Variants in FHIT observed in about 807,000 individuals in gnomAD.
FHIT encodes bis(5'-adenosyl)-triphosphatase.
A neutral mutation model predicts 17.9 loss-of-function variants in FHIT; 19 were observed. The ratio of observed to expected loss-of-function variants is 1.06; its 90% CI spans 0.74 to 1.56. The LOEUF (loss-of-function observed/expected upper bound fraction) is 1.56. Among genes scored for constraint, FHIT ranks in the 40% most tolerant of loss-of-function variants. The pLI is 0.00. For missense variants in FHIT, 248 were observed against 189.2 expected (o/e 1.31, Z -1.82); for synonymous variants, 81 against 69.7 (o/e 1.16, Z -0.81).
At chr3:60,130,852 TGTATACATGTATATAGACAC>T (rs1699531302) in intron 5 of FHIT, among the ~76,000 whole-genome samples, 1 of 149,792 alleles carries the variant, frequency 6.7e-6, no homozygotes, top group Non-Finnish European at 1.5e-5. Context: ...CACATACATG[TGTATACATGTATATAGACAC>T]GTATACATGT....
chr3:60,151,710 C>A (rs1280131276), intron 5 of FHIT, among the ~76,000 whole-genome samples: 4 of 152,274 alleles, frequency 2.6e-5, no homozygotes, highest in African/African-American at 9.6e-5. Flanking sequence ...GGGCTTTAAA[C>A]CTTCCTACCT....
intron 8 of FHIT, among the ~76,000 whole-genome samples, chr3:59,900,143 T>C (rs912743116): frequency 6.6e-6 from 1 of 152,110 alleles, no homozygotes; most frequent in African/African-American, 2.4e-5. Flanking sequence ...GCCTGTTGGA[T>C]TCCCCACTCT....
At chr3:61,062,709 A>T (rs1356178024) in intron 2 of FHIT, among the ~76,000 whole-genome samples, 6 of 152,152 alleles carry the variant, frequency 3.9e-5, no homozygotes, top group Non-Finnish European at 8.8e-5. Context: ...TGAGTGCAGA[A>T]CTGAATTTCT....
chr3:61,229,519 T>G (rs1017930343), intron 1 of FHIT, among the ~76,000 whole-genome samples: 6 of 152,138 alleles, frequency 3.9e-5, no homozygotes, highest in Admixed American at 1.3e-4. Context: ...CTAATATAAC[T>G]CCCAATTACT....
intron 4 of FHIT, among the ~76,000 whole-genome samples, chr3:60,673,112 G>A (rs576776163): frequency 1.0e-3 from 158 of 151,906 alleles, no homozygotes; most frequent in Middle Eastern, 3.4e-3. Context: ...AAGTTACCCC[G>A]TAAGAGCTTA....
chr3:60,389,189 T>G (rs1418264624), intron 5 of FHIT, among the ~76,000 whole-genome samples: 6 of 152,168 alleles, frequency 3.9e-5, no homozygotes, highest in Non-Finnish European at 7.3e-5. Context: ...ATGTGTATTC[T>G]CAGGCTTTAT....
intron 4 of FHIT, among the ~76,000 whole-genome samples, chr3:60,539,127 C>T (rs1460353224): frequency 1.2e-4 from 18 of 152,194 alleles, no homozygotes; most frequent in Admixed American, 3.3e-4. Flanking sequence ...AACAAGTGGG[C>T]GAAAGATATG....
chr3:59,918,984 C>T (rs1432141708), intron 8 of FHIT, among the ~76,000 whole-genome samples: 2 of 152,132 alleles, frequency 1.3e-5, no homozygotes, highest in Non-Finnish European at 2.9e-5. Flanking sequence ...GTGTGGTTTC[C>T]TCTAAGTTAA....
chr3:59,970,654 C>G (rs576062401), intron 7 of FHIT, among the ~76,000 whole-genome samples: 30 of 152,166 alleles, frequency 2.0e-4, no homozygotes, highest in African/African-American at 6.5e-4. Context: ...AATGAAACTA[C>G]ATTTCAAACG....
chr3:61,021,613 A>G (rs1443740444), intron 3 of FHIT, among the ~76,000 whole-genome samples: 1 of 150,544 alleles, frequency 6.6e-6, no homozygotes, highest in East Asian at 1.9e-4. Flanking sequence ...AAAAAAAAAA[A>G]AAAAAAAAGA....
intron 5 of FHIT, among the ~76,000 whole-genome samples, chr3:60,426,684 C>T (rs1179489772): frequency 6.6e-6 from 1 of 152,120 alleles, no homozygotes; most frequent in Admixed American, 6.6e-5. Context: ...AAATTATTCA[C>T]CGTTTGATCA....
chr3:60,277,176 T>C (rs1261022397), intron 5 of FHIT, among the ~76,000 whole-genome samples: 1 of 152,138 alleles, frequency 6.6e-6, no homozygotes, highest in African/African-American at 2.4e-5. Flanking sequence ...AATTTCTGGA[T>C]CTGGTTTTCT....
intron 5 of FHIT, among the ~76,000 whole-genome samples, chr3:60,241,560 G>C (rs1235445059): frequency 1.3e-5 from 2 of 151,894 alleles, no homozygotes; most frequent in African/African-American, 4.8e-5. Context: ...TTTTTGTAAG[G>C]GTTGAAAGAA....
chr3:60,967,190 G>A lies in FHIT; in HGVS notation c.-111+74857C>T, dbSNP rs76483143. On this transcript the variant is annotated intron_variant, in intron 3 of 9. Transcript: ENST00000492590. ...ATCAGCAGTAGTATATGTGCTCCCT[G>A]TTCCTGGCAGTGATTCACTGGATGA... Among the ~76,000 whole-genome samples the A allele has an allele frequency of 5.3e-4, 81 of 152,266 alleles. No homozygotes were observed. In the East Asian group the frequency reaches 0.015, roughly 29 times the overall value.
intron 1 of FHIT, among the ~76,000 whole-genome samples, chr3:61,243,134 G>C (rs2040411528): frequency 6.6e-6 from 1 of 152,184 alleles, no homozygotes; most frequent in African/African-American, 2.4e-5. Context: ...GAGGTTAGAG[G>C]CAAGTTAGAT....
At chr3:60,120,987 G>A (rs900239139) in intron 5 of FHIT, among the ~76,000 whole-genome samples, 1 of 152,062 alleles carries the variant, frequency 6.6e-6, no homozygotes, top group African/African-American at 2.4e-5. Context: ...AAAATCATAA[G>A]AGAGCCTTAA....
chr3:61,116,458 C>T (rs925850285), intron 2 of FHIT, among the ~76,000 whole-genome samples: 6 of 152,072 alleles, frequency 3.9e-5, no homozygotes. Context: ...TGAAATTAAT[C>T]AGAAATGGAC....
At position 60,036,575 on chromosome 3, in the gene FHIT, A is replaced by G. The variant is rs546156688; in HGVS notation, c.104-22423T>C. Among the ~76,000 whole-genome samples the G allele has an allele frequency of 9.8e-5, 15 of 152,328 alleles. 1 individual carries two copies. In the South Asian group the frequency reaches 2.5e-3, roughly 25 times the overall value. On this transcript the variant is annotated intron_variant, in intron 5 of 9. Coordinates refer to ENST00000492590, the MANE Select transcript of FHIT (RefSeq NM_002012.4). ...TTATATCATAAAGATACTTAAAACA[A>G]TATTAAAATGATCATAAAGATGAAA...
chr3:59,835,635 A>G (rs931705457), intron 8 of FHIT, among the ~76,000 whole-genome samples: 1 of 152,174 alleles, frequency 6.6e-6, no homozygotes, highest in African/African-American at 2.4e-5. Context: ...GATTAAAGAC[A>G]TTACTCTCAA....
Sources: allele counts gnomAD v4.1 joint callset (sites outside exome capture counted in the v4.1 genomes callset), GRCh38; gene constraint gnomAD v4.1.1; transcripts MANE v1.5; gene names NCBI Gene and HGNC (gene_info 2026-07-23, HGNC 2026-07-21).